The following RGS8 variants were observed in gnomAD, a reference collection of about 807,000 sequenced individuals.
The protein encoded by RGS8 is regulator of G protein signaling 8.
A neutral mutation model predicts 21.7 loss-of-function variants in RGS8; 8 were observed. The ratio of observed to expected loss-of-function variants is 0.37; its 90% CI spans 0.22 to 0.66. The LOEUF is 0.66. Among genes scored for constraint, RGS8 ranks in the 30% least tolerant of loss-of-function variants. The pLI is 0.59. For missense variants in RGS8, 157 were observed against 217.9 expected, an observed-to-expected ratio of 0.72 and a Z score of 1.76; for synonymous variants, 80 against 83.6, an observed-to-expected ratio of 0.96 and a Z score of 0.24.
At chr1:182,660,197 C>G (rs764659348) in intron 5 of RGS8, among the ~76,000 whole-genome samples, 2 of 152,200 alleles carry the variant, frequency 1.3e-5, no homozygotes, top group Non-Finnish European at 2.9e-5. Flanking sequence ...TGAACTCTCA[C>G]AACTGTACAA....
the RGS8 span, among the ~76,000 whole-genome samples, chr1:182,752,312 T>A: frequency 2.0e-5 from 3 of 152,192 alleles, no homozygotes; most frequent in Non-Finnish European, 4.4e-5. Context: ...GAATGGCCAG[T>A]AATTCAAGAC....
chr1:182,738,997 T>C, the RGS8 span, among the ~76,000 whole-genome samples: 2 of 152,230 alleles, frequency 1.3e-5, no homozygotes, highest in East Asian at 3.8e-4. Context: ...TCTGTAGTTG[T>C]ATCTCTGAAT....
At chr1:182,656,117 G>A (rs539733245) in intron 5 of RGS8, among the ~76,000 whole-genome samples, 7 of 152,334 alleles carry the variant, frequency 4.6e-5, no homozygotes, top group Admixed American at 3.9e-4. Flanking sequence ...TTAGCTCTTA[G>A]CAAAGTGTGT....
chr1:182,736,671 T>C, the RGS8 span, among the ~76,000 whole-genome samples: 2 of 152,344 alleles, frequency 1.3e-5, no homozygotes, highest in East Asian at 1.9e-4. Context: ...GGGAAGGGCA[T>C]GCCCTTGAGT....
chr1:182,739,347 C>T, the RGS8 span, among the ~76,000 whole-genome samples: 1 of 152,102 alleles, frequency 6.6e-6, no homozygotes, highest in South Asian at 2.1e-4. Flanking sequence ...GTATTTTCTC[C>T]CCAACGCTGT....
At chr1:182,726,898 G>A in the RGS8 span, among the ~76,000 whole-genome samples, 1 of 146,532 alleles carries the variant, frequency 6.8e-6, no homozygotes, top group Admixed American at 6.8e-5. Context: ...CAGGCATGAG[G>A]TGTTTGATAT....
At chr1:182,673,568 A>C (rs569708000), upstream of RGS8, among the ~76,000 whole-genome samples, 15 of 152,330 alleles carry the variant, frequency 9.8e-5, 1 homozygote, top group African/African-American at 3.6e-4. Context: ...TGAAATAAAA[A>C]TTCTGATGCT....
At chr1:182,719,372 G>C in the RGS8 span, among the ~76,000 whole-genome samples, 2 of 151,520 alleles carry the variant, frequency 1.3e-5, no homozygotes, top group South Asian at 4.2e-4. Context: ...TGTAAATGTA[G>C]GAAAAATAGG....
intron 4 of RGS8, 148 bp downstream of exon 5, chr1:182,666,724 A>G: frequency 1.6e-6 from 1 of 606,960 alleles, no homozygotes; most frequent in Non-Finnish European, 3.0e-6. Context: ...GAAAATAAAC[A>G]TTCCTTTCAC....
the RGS8 span, among the ~76,000 whole-genome samples, chr1:182,707,087 G>A: frequency 1.3e-5 from 2 of 152,158 alleles, no homozygotes; most frequent in African/African-American, 2.4e-5. Flanking sequence ...TGAACCGGGA[G>A]GTGGAGGTTG....
At chr1:182,689,290 CACACACACACACACA>C (rs1664773093), upstream of RGS8, among the ~76,000 whole-genome samples, 3 of 150,862 alleles carry the variant, frequency 2.0e-5, no homozygotes, top group African/African-American at 7.4e-5. Flanking sequence ...CACACACACA[CACACACACACACACA>C]CCCCACAAGT....
the RGS8 span, among the ~76,000 whole-genome samples, chr1:182,716,558 A>G: frequency 6.6e-6 from 1 of 152,002 alleles, no homozygotes; most frequent in South Asian, 2.1e-4. Context: ...CCAAGTGTAT[A>G]CATTTTTAAA....
At chr1:182,707,194 T>A in the RGS8 span, among the ~76,000 whole-genome samples, 1 of 152,060 alleles carries the variant, frequency 6.6e-6, no homozygotes, top group African/African-American at 2.4e-5. Flanking sequence ...TAGGTATCGA[T>A]AGGAACAAAA....
the RGS8 span, among the ~76,000 whole-genome samples, chr1:182,705,611 G>A: frequency 7.4e-6 from 1 of 135,786 alleles, no homozygotes; most frequent in Non-Finnish European, 1.6e-5. Context: ...AGGAATGATC[G>A]CATAATACTC....
At chr1:182,663,687 C>T (rs184820773) in intron 5 of RGS8, among the ~76,000 whole-genome samples, 11 of 151,854 alleles carry the variant, frequency 7.2e-5, no homozygotes, top group African/African-American at 2.4e-4. Flanking sequence ...TTCACCATCG[C>T]ACTCCACTAA....
At chr1:182,663,926 C>T (rs1307645813) in intron 5 of RGS8, among the ~76,000 whole-genome samples, 2 of 152,180 alleles carry the variant, frequency 1.3e-5, no homozygotes, top group Non-Finnish European at 2.9e-5. Context: ...CTGCCTCAGC[C>T]TCTAAAATGC....
At chr1:182,697,169 A>G in the RGS8 span, among the ~76,000 whole-genome samples, 1 of 152,236 alleles carries the variant, frequency 6.6e-6, no homozygotes, top group African/African-American at 2.4e-5. Flanking sequence ...TCTTGATGAG[A>G]AAAGTTGCAG....
the RGS8 span, among the ~76,000 whole-genome samples, chr1:182,692,675 CA>C: frequency 0.096 from 2,681 of 28,060 alleles, 9 homozygotes; most frequent in African/African-American, 0.16. Flanking sequence ...CAATCCTAAG[CA>C]AAAAAAAAAA....
At chr1:182,744,147 T>TA in the RGS8 span, among the ~76,000 whole-genome samples, 1 of 152,208 alleles carries the variant, frequency 6.6e-6, no homozygotes, top group African/African-American at 2.4e-5. Flanking sequence ...ATTTAAAGTA[T>TA]AAAATCCAAT....
Sources: allele counts gnomAD v4.1 joint callset (sites outside exome capture counted in the v4.1 genomes callset), GRCh38; gene constraint gnomAD v4.1.1; transcripts MANE v1.5; gene names NCBI Gene and HGNC (gene_info 2026-07-23, HGNC 2026-07-21).